The following MRC1 variants were observed in gnomAD, a reference collection of about 807,000 sequenced individuals.
The protein encoded by MRC1 is mannose receptor C-type 1.
MRC1 carries 62 observed loss-of-function variants against 102.9 expected under a neutral mutation model. The ratio of observed to expected loss-of-function variants is 0.60; its 90% CI spans 0.49 to 0.74. The LOEUF is 0.74. MRC1 is among the 30% of genes least tolerant of loss of function. The pLI is 0.00. For missense variants in MRC1, 1,237 were observed against 862.8 expected (o/e 1.43, Z -5.43); for synonymous variants, 457 against 298.4 (o/e 1.53, Z -5.48).
chr10:17,873,615 A>G (rs1251709239), intron 15 of MRC1, among the ~76,000 whole-genome samples, 169 bp from the exon 16 acceptor site: 1 of 151,520 alleles, frequency 6.6e-6, no homozygotes, highest in East Asian at 1.9e-4. Context: ...CTTTTCCTTC[A>G]TTCTGCCCTC....
intron 21 of MRC1, among the ~76,000 whole-genome samples, chr10:17,884,421 G>C (rs1833561492): frequency 2.6e-5 from 4 of 152,160 alleles, no homozygotes; most frequent in Non-Finnish European, 4.4e-5. Flanking sequence ...CTGATAATTT[G>C]ATAGCTGTGT....
Position 17,879,834 on chromosome 10 carries a change from T to C in MRC1, c.2719+13T>C, listed in dbSNP as rs1223331601. ...TATTCAAATTCAGGTAGGCAAGTCA[T>C]GCATATTGAATTTGCTTTGTGGCGT... On this transcript the variant is annotated intron_variant, in intron 19 of 29. Transcript: ENST00000569591. 5 of 780,772 alleles carry C rather than the reference T, an allele frequency of 6.4e-6. No homozygotes were observed. Among genetic ancestry groups the C allele is most frequent in the African/African-American group, 5.1e-5 (3 of 59,144 alleles). 48.4% of individuals were successfully genotyped at this position (780,772 alleles called of 1,614,324 possible). A position where few individuals can be genotyped will look rare whatever the true frequency, so the allele number is the denominator to read the frequency against.
intron 12 of MRC1, among the ~76,000 whole-genome samples, chr10:17,868,272 C>T (rs1236395765): frequency 6.6e-6 from 1 of 152,138 alleles, no homozygotes; most frequent in Non-Finnish European, 1.5e-5. Flanking sequence ...GTTGAATTGT[C>T]TCCCAGCTCC....
intron 8 of MRC1, among the ~76,000 whole-genome samples, chr10:17,854,101 C>T (rs1833040883): frequency 6.6e-6 from 1 of 152,146 alleles, no homozygotes; most frequent in South Asian, 2.1e-4. Context: ...AAGGTGCGTG[C>T]CACCACGCCT....
intron 5 of MRC1, 63 bp downstream of exon 5, chr10:17,840,869 C>T (rs905742406): frequency 3.2e-5 from 25 of 779,936 alleles, no homozygotes; most frequent in Admixed American, 8.5e-5. Flanking sequence ...GCCCCGAAGA[C>T]GTTTATTATC....
At chr10:17,831,610 G>A (rs2130608473) in intron 3 of MRC1, among the ~76,000 whole-genome samples, 1 of 151,362 alleles carries the variant, frequency 6.6e-6, no homozygotes, top group South Asian at 2.1e-4. Context: ...ATGTGCTTAT[G>A]GAAAATTGCC....
intron 3 of MRC1, among the ~76,000 whole-genome samples, chr10:17,830,384 G>A (rs1053445975): frequency 2.6e-5 from 4 of 151,202 alleles, no homozygotes; most frequent in Admixed American, 6.6e-5. Context: ...CACCCACCTC[G>A]GCCTCCCAAA....
At chr10:17,890,637 C>G (rs1833658641) in intron 22 of MRC1, among the ~76,000 whole-genome samples, 1 of 152,322 alleles carries the variant, frequency 6.6e-6, no homozygotes, top group East Asian at 1.9e-4. Context: ...ATTCCACTGT[C>G]TTTGTCACAT....
chr10:17,814,037 C>T (rs947162094), intron 1 of MRC1, among the ~76,000 whole-genome samples: 1 of 152,118 alleles, frequency 6.6e-6, no homozygotes, highest in Non-Finnish European at 1.5e-5. Context: ...GTTTAATCTA[C>T]AAATATTGCA....
intron 22 of MRC1, 66 bp downstream of exon 22, chr10:17,885,501 A>C: frequency 1.3e-6 from 1 of 762,790 alleles, no homozygotes; most frequent in South Asian, 1.4e-5. Context: ...CATCTTATTG[A>C]TTACTGTTCC....
chr10:17,879,683 A>G, intron 18 of MRC1, 38 bp from the exon 19 acceptor site: 1 of 780,796 alleles, frequency 1.3e-6, no homozygotes, highest in Non-Finnish European at 2.4e-6. Flanking sequence ...TAGTCTAATG[A>G]TTGGATCGTT....
At chr10:17,880,746 CT>C in intron 20 of MRC1, 76 bp downstream of exon 20, 2 of 777,108 alleles carry the variant, frequency 2.6e-6, no homozygotes, top group Non-Finnish European at 2.4e-6. Flanking sequence ...TCAAAGTTAA[CT>C]TTTGCTAGCC....
rs921135360 is a variant in MRC1, at chr10:17,880,906, G to T, written c.2866-161G>T. Among the ~76,000 whole-genome samples the T allele has an allele frequency of 6.6e-5, 10 of 152,164 alleles. No individual in the cohort carries two copies. The East Asian group carries it at 1.7e-3, about 26-fold the overall frequency. ...AAAACTTTGCAAAGAAAGTGAGTGG[G>T]TCATAAAACTAACAATTTTTTAAAT... On this transcript the variant is annotated intron_variant, in intron 20 of 29. Coordinates refer to ENST00000569591, the MANE Select transcript of MRC1 (RefSeq NM_002438.4).
chr10:17,836,785 G>C (rs967268709), intron 4 of MRC1, among the ~76,000 whole-genome samples: 2 of 151,850 alleles, frequency 1.3e-5, no homozygotes, highest in East Asian at 3.9e-4. Context: ...GCAGTGAGTC[G>C]AGATCGCACC....
chr10:17,817,292 C>T (rs1838328472), intron 1 of MRC1, among the ~76,000 whole-genome samples: 2 of 149,472 alleles, frequency 1.3e-5, no homozygotes, highest in Non-Finnish European at 3.0e-5. Flanking sequence ...ACCTATGTTA[C>T]TGGATGTTTA....
intron 22 of MRC1, among the ~76,000 whole-genome samples, chr10:17,893,149 C>G (rs917561264): frequency 1.3e-5 from 2 of 151,148 alleles, no homozygotes; most frequent in Non-Finnish European, 2.9e-5. Flanking sequence ...CCCTCCCTCC[C>G]TCCCTCCCTT....
At chr10:17,852,432 G>A (rs1369727272) in intron 7 of MRC1, among the ~76,000 whole-genome samples, 1 of 152,128 alleles carries the variant, frequency 6.6e-6, no homozygotes, top group Admixed American at 6.5e-5. Flanking sequence ...TTCACTCCCA[G>A]TACAGTGATT....
chr10:17,828,155 CA>C (rs1838511098), intron 3 of MRC1, among the ~76,000 whole-genome samples: 1 of 152,178 alleles, frequency 6.6e-6, no homozygotes, highest in Non-Finnish European at 1.5e-5. Context: ...CCACTCACTG[CA>C]AGCTCCGCCT....
At chr10:17,845,253 A>G (rs534622685) in intron 5 of MRC1, 36 bp from the exon 6 acceptor site, 6 of 780,814 alleles carry the variant, frequency 7.7e-6, no homozygotes, top group South Asian at 4.0e-5. Flanking sequence ...GGGAATAGCT[A>G]TAATAGTCCA....
Sources: gnomAD v4.1 joint callset for allele counts (sites outside exome capture counted in the v4.1 genomes callset) on GRCh38, gnomAD v4.1.1 for gene constraint, MANE v1.5 for transcripts, NCBI Gene and HGNC (gene_info 2026-07-23, HGNC 2026-07-21) for gene names.